ZNF710: variants seen among roughly 807,000 people sequenced by gnomAD.
The protein encoded by ZNF710 is zinc finger protein 710.
In ZNF710, 13 loss-of-function variants were observed where a neutral mutation model predicts 50.6. The observed-to-expected ratio is 0.26, with a 90% CI of 0.17 to 0.41. The LOEUF is 0.41. Among genes scored for constraint, ZNF710 ranks in the 10% least tolerant of loss-of-function variants. ZNF710 has a pLI of 1.00. For synonymous variants in ZNF710, 383 were observed against 397.0 expected (o/e 0.96, Z 0.42); for missense variants, 721 against 936.6 (o/e 0.77, Z 3.01).
chr15:90,031,774 G>A (rs1266176866), intron 1 of ZNF710, among the ~76,000 whole-genome samples: 2 of 152,162 alleles, frequency 1.3e-5, no homozygotes, highest in African/African-American at 4.8e-5. Context: ...CAAATCCACT[G>A]GATCTGGGTG....
intron 2 of ZNF710, 73 bp from the exon 3 acceptor site, chr15:90,072,998 G>A (rs1900444967): frequency 1.1e-5 from 16 of 1,513,378 alleles, no homozygotes; most frequent in Middle Eastern, 2.1e-4. Flanking sequence ...GCCCCTACCC[G>A]GCTCCCCACA....
chr15:90,028,204 A>G (rs1356021630), intron 1 of ZNF710, among the ~76,000 whole-genome samples: 1 of 152,176 alleles, frequency 6.6e-6, no homozygotes, highest in Non-Finnish European at 1.5e-5. Flanking sequence ...AGATGTTAAC[A>G]TTTGCCATAT....
At position 90,067,902 on chromosome 15, in the gene ZNF710, G is replaced by A; in HGVS notation, c.765G>A (p.Glu255=). 2 of 1,613,484 alleles carry A rather than the reference G, an allele frequency of 1.2e-6. No homozygotes were observed. The highest frequency in any genetic ancestry group is 1.7e-6 in the Non-Finnish European group (2 of 1,179,762). Reference sequence around the variant, plus strand: ...TGTGGCAGGAGGCCAGTGAGTTCGAGGCTGACACGGCGGGTTCGACCGTGG... The same window carrying A: ...TGTGGCAGGAGGCCAGTGAGTTCGAAGCTGACACGGCGGGTTCGACCGTGG... ...GFVWQEASEF[E]ADTAGSTVER... The change falls in exon 2 of 5, where the codon GAG becomes GAA. Residue 255 remains glutamate, a synonymous_variant. Coordinates refer to ENST00000268154, the MANE Select transcript of ZNF710 (RefSeq NM_198526.4). The surrounding 1 kb of genome is among the most constrained non-coding windows in gnomAD (Gnocchi z 8.1).
At chr15:90,041,299 T>C (rs1328248045) in intron 1 of ZNF710, among the ~76,000 whole-genome samples, 1 of 152,178 alleles carries the variant, frequency 6.6e-6, no homozygotes. Context: ...CAAGTGATCT[T>C]CCCACCTCAG....
rs1289725919 is a variant in ZNF710 at position 90,066,540 on chromosome 15, C to T, written c.-28-570C>T. On this transcript the variant is annotated intron_variant, in intron 1 of 4. Coordinates refer to ENST00000268154, the MANE Select transcript of ZNF710 (RefSeq NM_198526.4). The stretch of plus-strand genomic sequence containing the variant: ...CTGCCCAGGCTGGAGTGCAGTGGCG[C>T]GATCTCGGCTCACTGCAACCTCCGC... Among the ~76,000 whole-genome samples, 5 of 141,352 alleles carry T rather than the reference C, an allele frequency of 3.5e-5. No homozygotes were observed. The South Asian group carries it at 1.2e-3, about 33-fold the overall frequency. The allele number at this position is 141,352 out of a possible 152,430, so 92.7% of individuals were successfully genotyped here. A position where few individuals can be genotyped will look rare whatever the true frequency, so the allele number is the denominator to read the frequency against.
intron 1 of ZNF710, among the ~76,000 whole-genome samples, chr15:90,020,742 A>G (rs952775799): frequency 1.5e-4 from 23 of 152,146 alleles, no homozygotes; most frequent in African/African-American, 5.3e-4. Context: ...TTGTCATTTT[A>G]GCCCCGTTAT....
chr15:90,059,414 G>A lies in ZNF710; in HGVS notation c.-28-7696G>A, dbSNP rs1447256475. On this transcript the variant is annotated intron_variant, in intron 1 of 4. Coordinates refer to ENST00000268154, the MANE Select transcript of ZNF710 (RefSeq NM_198526.4). The surrounding 1 kb of genome is among the most constrained non-coding windows in gnomAD (Gnocchi z 4.1). ...CCCCACCGTCTCACTGTGTGACCTT[G>A]GACCATTCCCTTCCCCTCCCTGGGC... Among the ~76,000 whole-genome samples, 1 of 152,238 alleles carries A rather than the reference G, an allele frequency of 6.6e-6. No homozygotes were observed.
chr15:90,066,850 T>A (rs969485983), intron 1 of ZNF710, among the ~76,000 whole-genome samples: 1 of 152,114 alleles, frequency 6.6e-6, no homozygotes, highest in African/African-American at 2.4e-5. Context: ...CTCCCTGTTG[T>A]ACAGATGGGA....
intron 1 of ZNF710, among the ~76,000 whole-genome samples, chr15:90,052,182 G>A (rs1044844456): frequency 2.6e-5 from 4 of 152,082 alleles, no homozygotes; most frequent in Non-Finnish European, 5.9e-5. Flanking sequence ...CTTCTCACCT[G>A]CAGCCAGACA....
In ZNF710 at chr15:90,059,351, G is replaced by A. The variant is rs1899931044; in HGVS notation, c.-28-7759G>A. Among the ~76,000 whole-genome samples, 1 of 152,222 alleles carries A rather than the reference G, an allele frequency of 6.6e-6. No homozygotes were observed. The highest frequency in any genetic ancestry group is 2.4e-5 in the African/African-American group (1 of 41,456). On this transcript the variant is annotated intron_variant, in intron 1 of 4. Transcript: ENST00000268154. This position sits in a 1 kb window ranked among gnomAD's most constrained non-coding sequence, Gnocchi z 4.1. ...ATCCCGCCTACCAAAAGGCTGTGGG[G>A]GCTGCGGGGCCGGAGACCTGCATTC...
chr15:90,011,199 G>A (rs1237329466), intron 1 of ZNF710, among the ~76,000 whole-genome samples: 2 of 152,148 alleles, frequency 1.3e-5, no homozygotes, highest in East Asian at 3.8e-4. Flanking sequence ...CAAAGTGCTG[G>A]GATTACAGGC....
At position 90,062,220 on chromosome 15, in the gene ZNF710, TTCTC is replaced by T. The variant is rs57400649; in HGVS notation, c.-28-4876_-28-4873del. On this transcript the variant is annotated intron_variant, in intron 1 of 4. Coordinates refer to ENST00000268154, the MANE Select transcript of ZNF710 (RefSeq NM_198526.4). This position sits in a 1 kb window ranked among gnomAD's most constrained non-coding sequence, Gnocchi z 5.6. ...CTTCATTTCTTCTCTCCCTCTCCCT[TTCTC>T]TCTCTCTCTCTCTGATATGTCCTCC... 2.1e-5 allele frequency among the ~76,000 whole-genome samples: 3 copies of T among 144,548 alleles called. No individual in the cohort carries two copies. Among genetic ancestry groups the T allele is most frequent in the East Asian group, 2.1e-4 (1 of 4,762 alleles). The allele number at this position is 144,548 out of a possible 152,430, so 94.8% of individuals were successfully genotyped here. A position where few individuals can be genotyped will look rare whatever the true frequency, so the allele number is the denominator to read the frequency against.
intron 1 of ZNF710, among the ~76,000 whole-genome samples, chr15:90,042,345 TC>T (rs1224437281): frequency 6.6e-6 from 1 of 151,748 alleles, no homozygotes; most frequent in Non-Finnish European, 1.5e-5. Flanking sequence ...ATCCATTGTG[TC>T]TCCCCCCCAC....
At chr15:90,021,016 C>CCCCT (rs1555456023) in intron 1 of ZNF710, among the ~76,000 whole-genome samples, 12 of 106,138 alleles carry the variant, frequency 1.1e-4, no homozygotes, top group African/African-American at 3.9e-4. Flanking sequence ...GGCACCCCCC[C>CCCCT]CCCCTTAGCA....
chr15:90,058,721 A>ATATATATATATATATATGTATG (rs1567236953), intron 1 of ZNF710, among the ~76,000 whole-genome samples: 62 of 144,616 alleles, frequency 4.3e-4, no homozygotes, highest in African/African-American at 1.7e-3. Flanking sequence ...ATATATATAC[A>ATATATATATATATATATGTATG]CACATATACA....
At chr15:90,078,196 A>C (rs1398180898) in intron 4 of ZNF710, among the ~76,000 whole-genome samples, 1 of 146,058 alleles carries the variant, frequency 6.8e-6, no homozygotes, top group Non-Finnish European at 1.5e-5. Flanking sequence ...GGGCAACAAG[A>C]GCGAAACTCG....
intron 1 of ZNF710, among the ~76,000 whole-genome samples, chr15:90,008,460 A>G (rs1294191607): frequency 6.9e-6 from 1 of 144,256 alleles, no homozygotes; most frequent in Admixed American, 6.9e-5. Context: ...ATATGTATAT[A>G]TATATACATG....
At chr15:90,014,124 A>G (rs953576294) in intron 1 of ZNF710, among the ~76,000 whole-genome samples, 2 of 152,064 alleles carry the variant, frequency 1.3e-5, no homozygotes, top group African/African-American at 4.8e-5. Flanking sequence ...GGTCTTGGAC[A>G]AAGCCAGTTT....
At chr15:90,007,564 C>G (rs1898170593) in intron 1 of ZNF710, among the ~76,000 whole-genome samples, 1 of 151,858 alleles carries the variant, frequency 6.6e-6, no homozygotes, top group Non-Finnish European at 1.5e-5. Context: ...CTAACCTCAC[C>G]CAACTCTCTT....
Sources: gnomAD v4.1 joint callset for allele counts (sites outside exome capture counted in the v4.1 genomes callset) on GRCh38, gnomAD v4.1.1 for gene constraint, Gnocchi (gnomAD v3.1) non-coding constraint, MANE v1.5 for transcripts, NCBI Gene and HGNC (gene_info 2026-07-23, HGNC 2026-07-21) for gene names.